SLC6A11: variants seen among roughly 807,000 people sequenced by gnomAD.
SLC6A11 encodes sodium- and chloride-dependent GABA transporter 3.
A neutral mutation model predicts 74.8 loss-of-function variants in SLC6A11; 25 were observed. The ratio of observed to expected loss-of-function variants is 0.33; its 90% CI spans 0.24 to 0.47. The LOEUF is 0.47. Ranked by LOEUF, SLC6A11 falls within the 20% of genes least tolerant of loss-of-function variation. The probability of loss-of-function intolerance (pLI) is 1.00; values close to 1 mark genes in which losing one functional copy is unlikely to be tolerated. For missense variants in SLC6A11, 574 were observed against 837.0 expected, an observed-to-expected ratio of 0.69 and a Z score of 3.88; for synonymous variants, 330 against 330.2, an observed-to-expected ratio of 1.00 and a Z score of 0.01.
At chr3:10,830,680 C>A (rs1325551234) in intron 4 of SLC6A11, among the ~76,000 whole-genome samples, 1 of 152,094 alleles carries the variant, frequency 6.6e-6, no homozygotes, top group Non-Finnish European at 1.5e-5. Flanking sequence ...ATGTGGAGGT[C>A]CCAGGAGCTA....
At chr3:10,916,867 G>A (rs999307034) in intron 7 of SLC6A11, among the ~76,000 whole-genome samples, 7 of 152,208 alleles carry the variant, frequency 4.6e-5, no homozygotes, top group African/African-American at 1.7e-4. Flanking sequence ...GGAACCCAAG[G>A]CTCTCGACCA....
At chr3:10,840,170 C>G (rs1372106992) in intron 4 of SLC6A11, among the ~76,000 whole-genome samples, 3 of 152,188 alleles carry the variant, frequency 2.0e-5, no homozygotes, top group African/African-American at 7.2e-5. Context: ...AGTCTAGCCC[C>G]TGCTCCCCAT....
chr3:10,902,866 T>G (rs1695257884), intron 6 of SLC6A11, among the ~76,000 whole-genome samples: 1 of 152,196 alleles, frequency 6.6e-6, no homozygotes, highest in African/African-American at 2.4e-5. Flanking sequence ...TGTGTACATT[T>G]CTCTAAAGTA....
chr3:10,915,859 G>A lies in SLC6A11; in HGVS notation c.996-2470G>A, dbSNP rs1695447281. On this transcript the variant is annotated intron_variant, in intron 7 of 13. Transcript: ENST00000254488. The surrounding 1 kb of genome is among the most constrained non-coding windows in gnomAD (Gnocchi z 4.3). ...ACAATTTGTTTTTCAACACCTGTGT[G>A]GATGCCCAGAGACAATTTTTTAAAG... 6.6e-6 allele frequency among the ~76,000 whole-genome samples: 1 copy of A among 152,218 alleles called. No individual in the cohort carries two copies. Among genetic ancestry groups the A allele is most frequent in the African/African-American group, 2.4e-5 (1 of 41,458 alleles).
intron 5 of SLC6A11, among the ~76,000 whole-genome samples, chr3:10,855,070 AG>A (rs1429012857): frequency 5.3e-5 from 8 of 151,968 alleles, no homozygotes; most frequent in Non-Finnish European, 1.2e-4. Flanking sequence ...GGAGATGGGT[AG>A]GGGGGCAGTG....
At chr3:10,892,285 T>C (rs1356554399) in intron 6 of SLC6A11, among the ~76,000 whole-genome samples, 1 of 152,246 alleles carries the variant, frequency 6.6e-6, no homozygotes, top group Non-Finnish European at 1.5e-5. Context: ...TCCTGCATAA[T>C]GTTCACACAG....
chr3:10,839,770 T>C (rs1559556477), intron 4 of SLC6A11, among the ~76,000 whole-genome samples: 1 of 152,192 alleles, frequency 6.6e-6, no homozygotes, highest in East Asian at 1.9e-4. Context: ...CAAATCATCT[T>C]ATCTGAAAGA....
intron 5 of SLC6A11, among the ~76,000 whole-genome samples, chr3:10,855,230 A>T (rs1021669850): frequency 2.6e-5 from 4 of 152,234 alleles, no homozygotes; most frequent in South Asian, 4.1e-4. Context: ...TGTGGAGTAG[A>T]TACTAATCAC....
At chr3:10,832,612 C>T (rs1421955489) in intron 4 of SLC6A11, among the ~76,000 whole-genome samples, 3 of 152,166 alleles carry the variant, frequency 2.0e-5, no homozygotes, top group African/African-American at 7.2e-5. Flanking sequence ...AAATATGTCT[C>T]CCCAGCCCTG....
At chr3:10,886,446 G>T (rs563811352) in intron 6 of SLC6A11, among the ~76,000 whole-genome samples, 1 of 152,182 alleles carries the variant, frequency 6.6e-6, no homozygotes, top group East Asian at 1.9e-4. Flanking sequence ...TATTCCTGTG[G>T]CTGGCTCCCT....
At chr3:10,851,351 C>G (rs1039226356) in intron 5 of SLC6A11, among the ~76,000 whole-genome samples, 4 of 151,588 alleles carry the variant, frequency 2.6e-5, no homozygotes, top group African/African-American at 9.7e-5. Flanking sequence ...CTTTTCACTG[C>G]TTTGGGGCTC....
Position 10,926,732 on chromosome 3 carries a change from C to G in SLC6A11, c.1233+616C>G, listed in dbSNP as rs964143923. Among the ~76,000 whole-genome samples the G allele has an allele frequency of 1.3e-5, 2 of 152,154 alleles. No homozygotes were observed. The highest frequency in any genetic ancestry group is 4.8e-5 in the African/African-American group (2 of 41,432). ...GGAGCTAGTAACTCACCCATGCACT[C>G]GGTTTCCCTTTGTTGCCACACAGCA... On this transcript the variant is annotated intron_variant, in intron 9 of 13. Transcript: ENST00000254488. This position sits in a 1 kb window ranked among gnomAD's most constrained non-coding sequence, Gnocchi z 5.7.
intron 1 of SLC6A11, 50 bp from the exon 2 acceptor site, chr3:10,819,415 G>A: frequency 6.4e-7 from 1 of 1,564,646 alleles, no homozygotes. Context: ...CTTGAGCCAA[G>A]TATGAATCGG....
At chr3:10,899,050 T>C (rs896692120) in intron 6 of SLC6A11, among the ~76,000 whole-genome samples, 5 of 152,180 alleles carry the variant, frequency 3.3e-5, no homozygotes, top group African/African-American at 1.2e-4. Flanking sequence ...ATGAGATTTA[T>C]TCACTACCAT....
chr3:10,900,699 G>C (rs574682578), intron 6 of SLC6A11, among the ~76,000 whole-genome samples: 6 of 152,320 alleles, frequency 3.9e-5, no homozygotes, highest in Non-Finnish European at 1.5e-5. Context: ...TGTGGTTCTG[G>C]GGGGAGATGA....
chr3:10,881,260 A>G (rs920135084), intron 6 of SLC6A11, among the ~76,000 whole-genome samples: 1 of 152,108 alleles, frequency 6.6e-6, no homozygotes, highest in Non-Finnish European at 1.5e-5. Context: ...TACTAAAAAT[A>G]TAAAAATTAG....
In SLC6A11 at chr3:10,816,288, C is replaced by T; in HGVS notation, c.23C>T (p.Pro8Leu). The T allele has an allele frequency of 7.2e-7, 1 of 1,385,926 alleles. No individual in the cohort carries two copies. The highest frequency in any genetic ancestry group is 9.3e-7 in the Non-Finnish European group (1 of 1,070,988). 85.9% of individuals were successfully genotyped at this position (1,385,926 alleles called of 1,614,324 possible). Residue 8 changes from proline to leucine, a missense_variant, in exon 1 of 14, where the codon CCC becomes CTC. Pro to Leu is a moderately conservative substitution (Grantham distance 98, BLOSUM62 -3). Transcript: ENST00000254488. This position sits in a 1 kb window ranked among gnomAD's most constrained non-coding sequence, Gnocchi z 4.2. Reference protein sequence around the residue: MTAEKALPLGNGKAAEEA... With the variant: MTAEKALLLGNGKAAEEA... ...GCCATGACGGCGGAGAAGGCGCTGCCCCTGGGCAATGGGAAGGCTGCTGAG... is the reference window on the plus strand; with the variant it reads ...GCCATGACGGCGGAGAAGGCGCTGCTCCTGGGCAATGGGAAGGCTGCTGAG...
At chr3:10,823,179 C>T (rs972038776) in intron 3 of SLC6A11, 123 bp from the exon 4 acceptor site, 17 of 683,482 alleles carry the variant, frequency 2.5e-5, no homozygotes, top group Admixed American at 1.3e-4. Context: ...TGCCCTTTGA[C>T]GCATGTTTAC....
rs919078646 is a variant in SLC6A11 at position 10,915,273 on chromosome 3, C to T, written c.996-3056C>T. 2.0e-5 allele frequency among the ~76,000 whole-genome samples: 3 copies of T among 152,136 alleles called. No individual in the cohort carries two copies. The highest frequency in any genetic ancestry group is 3.9e-4 in the East Asian group (2 of 5,190). ...TGGCAGCTTCATTCCCCACTGAGTG[C>T]GTGGAGGATGTATGCTGTCAGCCAT... On this transcript the variant is annotated intron_variant, in intron 7 of 13. Coordinates refer to ENST00000254488, the MANE Select transcript of SLC6A11 (RefSeq NM_014229.3). The surrounding 1 kb of genome is among the most constrained non-coding windows in gnomAD (Gnocchi z 4.3).
Sources: gnomAD v4.1 joint callset for allele counts (sites outside exome capture counted in the v4.1 genomes callset) on GRCh38, gnomAD v4.1.1 for gene constraint, Gnocchi (gnomAD v3.1) non-coding constraint, MANE v1.5 for transcripts, NCBI Gene and HGNC (gene_info 2026-07-23, HGNC 2026-07-21) for gene names.